Variants in MED13L observed in about 807,000 individuals in gnomAD.
The protein encoded by MED13L is mediator of RNA polymerase II transcription subunit 13-like.
MED13L carries 7 observed loss-of-function variants against 220.9 expected under a neutral mutation model. The ratio of observed to expected loss-of-function variants is 0.03; its 90% CI spans 0.02 to 0.06. The LOEUF (loss-of-function observed/expected upper bound fraction) is 0.06. Among genes scored for constraint, MED13L ranks in the 10% least tolerant of loss-of-function variants. The probability of loss-of-function intolerance (pLI) is 1.00; values close to 1 mark genes in which losing one functional copy is unlikely to be tolerated. For missense variants in MED13L, 1,965 were observed against 2,760.5 expected (o/e 0.71, Z 6.46); for synonymous variants, 1,011 against 1,015.2 (o/e 1.00, Z 0.08).
intron 2 of MED13L, among the ~76,000 whole-genome samples, chr12:116,190,996 A>T (rs1023776329): frequency 6.6e-6 from 1 of 151,738 alleles, no homozygotes; most frequent in Admixed American, 6.6e-5. Flanking sequence ...GGATGCTGAG[A>T]CAGAAGAAGT....
At chr12:116,118,886 G>C (rs1874759522) in intron 2 of MED13L, among the ~76,000 whole-genome samples, 1 of 152,158 alleles carries the variant, frequency 6.6e-6, no homozygotes, top group Non-Finnish European at 1.5e-5. Flanking sequence ...TTGCAGAATA[G>C]CTACTAGCAT....
intron 2 of MED13L, among the ~76,000 whole-genome samples, chr12:116,194,912 T>A (rs1881520114): frequency 6.6e-6 from 1 of 152,090 alleles, no homozygotes; most frequent in Non-Finnish European, 1.5e-5. Flanking sequence ...CAGAAATATG[T>A]AACAGAGAGT....
chr12:116,141,754 C>T (rs1216228961), intron 2 of MED13L, among the ~76,000 whole-genome samples: 1 of 152,142 alleles, frequency 6.6e-6, no homozygotes, highest in Non-Finnish European at 1.5e-5. Flanking sequence ...AACCCAGTGT[C>T]TTCTCCATGT....
intron 2 of MED13L, among the ~76,000 whole-genome samples, chr12:116,157,365 C>CA (rs1344312972): frequency 6.6e-6 from 1 of 152,160 alleles, no homozygotes; most frequent in Non-Finnish European, 1.5e-5. Flanking sequence ...TCTATCTTCA[C>CA]AGCTGTATCC....
At chr12:116,227,138 C>T (rs1453626675) in intron 2 of MED13L, among the ~76,000 whole-genome samples, 1 of 152,124 alleles carries the variant, frequency 6.6e-6, no homozygotes, top group Non-Finnish European at 1.5e-5. Context: ...GTCTATTATA[C>T]TTTAAGCAGA....
chr12:116,132,144 G>A (rs564057977), intron 2 of MED13L, among the ~76,000 whole-genome samples: 1 of 152,104 alleles, frequency 6.6e-6, no homozygotes, highest in South Asian at 2.1e-4. Context: ...AGCAGGTCAT[G>A]ACGGCAGGTG....
intron 2 of MED13L, among the ~76,000 whole-genome samples, chr12:116,148,319 T>C (rs549240064): frequency 6.6e-6 from 1 of 151,924 alleles, no homozygotes; most frequent in East Asian, 1.9e-4. Flanking sequence ...TACATTTTTG[T>C]GGAACTACAC....
intron 4 of MED13L, among the ~76,000 whole-genome samples, chr12:116,027,522 T>C (rs896572281): frequency 5.3e-5 from 8 of 152,168 alleles, no homozygotes; most frequent in African/African-American, 1.7e-4. Context: ...CAATATTCTT[T>C]TATACTTGTT....
chr12:116,142,221 A>G (rs1018067472), intron 2 of MED13L, among the ~76,000 whole-genome samples: 6 of 152,204 alleles, frequency 3.9e-5, no homozygotes, highest in African/African-American at 1.4e-4. Context: ...CTTCTCTACC[A>G]GAGCTAAAAA....
chr12:116,111,647 CAG>C (rs1342473993), intron 2 of MED13L, 135 bp from the exon 3 acceptor site: 1 of 690,826 alleles, frequency 1.4e-6, no homozygotes, highest in Non-Finnish European at 2.5e-6. Flanking sequence ...CACGCTGAAA[CAG>C]AGAGTGGAAT....
chr12:116,079,383 T>A (rs1003355744), intron 4 of MED13L, among the ~76,000 whole-genome samples: 5 of 151,766 alleles, frequency 3.3e-5, no homozygotes, highest in African/African-American at 1.2e-4. Flanking sequence ...CATGCCCAGC[T>A]AACTTTAACC....
intron 1 of MED13L, among the ~76,000 whole-genome samples, chr12:116,259,651 A>G (rs1004647111): frequency 2.6e-5 from 4 of 152,166 alleles, no homozygotes; most frequent in African/African-American, 9.7e-5. Context: ...GAATCTTTCT[A>G]CCTTATGTGT....
intron 2 of MED13L, among the ~76,000 whole-genome samples, chr12:116,112,547 C>T (rs1453622204): frequency 6.6e-6 from 1 of 152,154 alleles, no homozygotes; most frequent in African/African-American, 2.4e-5. Context: ...AATTACAAAG[C>T]TGAATTTTTT....
At chr12:116,130,558 TA>T (rs1875977905) in intron 2 of MED13L, among the ~76,000 whole-genome samples, 1 of 152,244 alleles carries the variant, frequency 6.6e-6, no homozygotes, top group Non-Finnish European at 1.5e-5. Flanking sequence ...GAAAGAATGA[TA>T]AGCATCTTGG....
intron 4 of MED13L, among the ~76,000 whole-genome samples, chr12:116,083,276 T>C (rs1332094474): frequency 2.0e-5 from 3 of 151,876 alleles, no homozygotes; most frequent in Non-Finnish European, 4.4e-5. Context: ...TGGTGGTACA[T>C]GCCTATAATC....
At chr12:116,258,234 T>C (rs1383043685) in intron 1 of MED13L, among the ~76,000 whole-genome samples, 1 of 152,222 alleles carries the variant, frequency 6.6e-6, no homozygotes, top group Non-Finnish European at 1.5e-5. Context: ...GAGATTCAGC[T>C]CCTGTGTGAC....
chr12:116,083,127 C>G (rs966445543), intron 4 of MED13L, among the ~76,000 whole-genome samples: 1 of 152,116 alleles, frequency 6.6e-6, no homozygotes, highest in Admixed American at 6.6e-5. Context: ...CTTGTGCAGG[C>G]CAGGCGTGGT....
chr12:116,253,958 G>A (rs868817718), intron 1 of MED13L, among the ~76,000 whole-genome samples: 4 of 151,506 alleles, frequency 2.6e-5, no homozygotes, highest in Admixed American at 2.0e-4. Context: ...ACGGGGTTTC[G>A]CCACATTGGC....
chr12:116,118,962 A>G (rs1388835071), intron 2 of MED13L, among the ~76,000 whole-genome samples: 1 of 152,208 alleles, frequency 6.6e-6, no homozygotes, highest in Non-Finnish European at 1.5e-5. Flanking sequence ...TCTATCCAGA[A>G]AACAATCATT....
Sources: gnomAD v4.1 joint callset for allele counts (sites outside exome capture counted in the v4.1 genomes callset) on GRCh38, gnomAD v4.1.1 for gene constraint, MANE v1.5 for transcripts, NCBI Gene and HGNC (gene_info 2026-07-23, HGNC 2026-07-21) for gene names.